Variants in UPF2 observed in about 807,000 individuals in gnomAD.
UPF2 encodes the protein regulator of nonsense transcripts 2.
A neutral mutation model predicts 141.4 loss-of-function variants in UPF2; 17 were observed. The ratio of observed to expected loss-of-function variants is 0.12; its 90% CI spans 0.08 to 0.18. The LOEUF is 0.18. Among genes scored for constraint, UPF2 ranks in the 10% least tolerant of loss-of-function variants. The pLI is 1.00. For synonymous variants in UPF2, 540 were observed against 498.0 expected (o/e 1.08, Z -1.12); for missense variants, 1,152 against 1,515.9 (o/e 0.76, Z 3.99).
intron 11 of UPF2, among the ~76,000 whole-genome samples, chr10:11,963,283 A>G (rs922301656): frequency 6.6e-6 from 1 of 152,228 alleles, no homozygotes; most frequent in African/African-American, 2.4e-5. Flanking sequence ...GATGGTAATT[A>G]TATTTCATTT....
At chr10:11,962,664 G>C (rs1028384439) in intron 11 of UPF2, among the ~76,000 whole-genome samples, 2 of 152,100 alleles carry the variant, frequency 1.3e-5, no homozygotes, top group African/African-American at 4.8e-5. Flanking sequence ...ACGTGAATCT[G>C]ATCATATCCA....
chr10:12,013,541 A>G lies in UPF2; in HGVS notation c.1306+483T>C, dbSNP rs113900549. On this transcript the variant is annotated intron_variant, in intron 4 of 21. Coordinates refer to ENST00000357604, the MANE Select transcript of UPF2 (RefSeq NM_015542.4). Reference sequence around the variant, plus strand: ...TCCCGCCTCGGCCTCCCAAAGTGCTAGGATTACAGGCATGAGCCACTGCGC... The same window carrying G: ...TCCCGCCTCGGCCTCCCAAAGTGCTGGGATTACAGGCATGAGCCACTGCGC... 1.7e-3 allele frequency among the ~76,000 whole-genome samples: 254 copies of G among 152,122 alleles called. 1 individual carries two copies. Among genetic ancestry groups the G allele is most frequent in the African/African-American group, 5.7e-3 (235 of 41,530 alleles).
intron 9 of UPF2, among the ~76,000 whole-genome samples, chr10:11,974,588 G>A (rs1320741500): frequency 6.6e-6 from 1 of 152,152 alleles, no homozygotes; most frequent in Non-Finnish European, 1.5e-5. Context: ...TGAGCATGAA[G>A]GGCTGTTGAA....
In UPF2 at chr10:11,939,150, A is replaced by G. The variant is rs113867206; in HGVS notation, c.3379-2438T>C. Among the ~76,000 whole-genome samples, 9,688 of 151,974 alleles carry G rather than the reference A, an allele frequency of 0.064. 387 individuals carry two copies. Among genetic ancestry groups the G allele is most frequent in the Non-Finnish European group, 0.092 (6,234 of 67,944 alleles). On this transcript the variant is annotated intron_variant, in intron 18 of 21. Transcript: ENST00000357604. The surrounding 1 kb of genome is among the most constrained non-coding windows in gnomAD (Gnocchi z 4.8). ...CTCCCAAAGTGATGGGATTACAGGC[A>G]TTGAGCCACTGTGCCTGGCCAGCAA...
intron 15 of UPF2, among the ~76,000 whole-genome samples, chr10:11,951,812 T>G (rs555568316): frequency 6.9e-4 from 104 of 151,166 alleles, no homozygotes; most frequent in South Asian, 2.3e-3. Flanking sequence ...GGATTGTGGG[T>G]TTTTTTTCCC....
chr10:11,957,280 T>C (rs1235775647), intron 12 of UPF2, among the ~76,000 whole-genome samples: 1 of 151,616 alleles, frequency 6.6e-6, no homozygotes, highest in Non-Finnish European at 1.5e-5. Flanking sequence ...AATACAAAAA[T>C]TAGCCAAGCA....
intron 15 of UPF2, among the ~76,000 whole-genome samples, chr10:11,950,749 G>A (rs1222744817): frequency 6.6e-6 from 1 of 152,212 alleles, no homozygotes; most frequent in Non-Finnish European, 1.5e-5. Flanking sequence ...CTCAATATGA[G>A]ATCATGTATT....
intron 8 of UPF2, among the ~76,000 whole-genome samples, chr10:11,984,745 C>T (rs1833658855): frequency 6.6e-6 from 1 of 151,052 alleles, no homozygotes; most frequent in African/African-American, 2.4e-5. Flanking sequence ...AAGAGTCTCA[C>T]TCTGTTGCCC....
intron 8 of UPF2, among the ~76,000 whole-genome samples, chr10:11,985,731 G>A (rs1160301644): frequency 6.6e-6 from 1 of 151,758 alleles, no homozygotes; most frequent in African/African-American, 2.4e-5. Flanking sequence ...TGTCACATCA[G>A]TCACATTAAA....
At chr10:12,004,402 T>A in intron 5 of UPF2, 128 bp downstream of exon 5, 1 of 683,104 alleles carries the variant, frequency 1.5e-6, no homozygotes, top group Non-Finnish European at 2.4e-6. Flanking sequence ...GTCACTCATT[T>A]ACTCTAATGA....
Position 12,019,609 on chromosome 10 carries a change from C to T in UPF2, c.1146-5425G>A, listed in dbSNP as rs948514916. Among the ~76,000 whole-genome samples the T allele has an allele frequency of 6.6e-6, 1 of 152,158 alleles. No homozygotes were observed. The highest frequency in any genetic ancestry group is 2.4e-5 in the African/African-American group (1 of 41,422). ...AATGAGAACAAAATCTATGCCAACT[C>T]TTATGCTTTGTTATAAAAATAAAAA... is the stretch of plus-strand genomic sequence containing the variant. On this transcript the variant is annotated intron_variant, in intron 3 of 21. Transcript: ENST00000357604. This position sits in a 1 kb window ranked among gnomAD's most constrained non-coding sequence, Gnocchi z 4.5.
chr10:12,033,829 G>A (rs192098225), intron 2 of UPF2, among the ~76,000 whole-genome samples: 5 of 152,208 alleles, frequency 3.3e-5, no homozygotes, highest in Admixed American at 6.5e-5. Flanking sequence ...GTTTACAGGC[G>A]TGAACCACCA....
chr10:12,027,972 C>G (rs1834449914), intron 3 of UPF2, among the ~76,000 whole-genome samples: 1 of 152,178 alleles, frequency 6.6e-6, no homozygotes, highest in Admixed American at 6.5e-5. Context: ...GCTATTACCT[C>G]TTTGCTACAC....
chr10:11,932,166 GTAGA>G (rs890426325), intron 19 of UPF2, among the ~76,000 whole-genome samples: 5 of 151,638 alleles, frequency 3.3e-5, no homozygotes, highest in African/African-American at 9.7e-5. Context: ...AAAAAAAAAG[GTAGA>G]TAGATAATTT....
rs995634530 is a variant in UPF2 at position 12,019,329 on chromosome 10, T to C, written c.1146-5145A>G. ...AAATGTTATTTATGAACACTGAAAT[T>C]TGAACTTCAAATCATTTTCATGCTT... On this transcript the variant is annotated intron_variant, in intron 3 of 21. Coordinates refer to ENST00000357604, the MANE Select transcript of UPF2 (RefSeq NM_015542.4). The surrounding 1 kb of genome is among the most constrained non-coding windows in gnomAD (Gnocchi z 4.5). Among the ~76,000 whole-genome samples the C allele has an allele frequency of 6.6e-6, 1 of 152,214 alleles. No individual in the cohort carries two copies. The highest frequency in any genetic ancestry group is 1.5e-5 in the Non-Finnish European group (1 of 68,048).
Position 12,021,974 on chromosome 10 carries a change from T to C in UPF2, c.1145+6771A>G, listed in dbSNP as rs181081479. On this transcript the variant is annotated intron_variant, in intron 3 of 21. Coordinates refer to ENST00000357604, the MANE Select transcript of UPF2 (RefSeq NM_015542.4). Reference sequence around the variant, plus strand: ...GGCCAACATGGTGAAACCCTGTCTCTGCTAAAAATACAAAAATTAGTCGAG... The same window carrying C: ...GGCCAACATGGTGAAACCCTGTCTCCGCTAAAAATACAAAAATTAGTCGAG... Among the ~76,000 whole-genome samples the C allele has an allele frequency of 7.9e-5, 12 of 152,278 alleles. No homozygotes were observed. The East Asian group carries it at 1.2e-3, about 15-fold the overall frequency.
At chr10:11,969,315 G>T (rs918685843) in intron 9 of UPF2, among the ~76,000 whole-genome samples, 1 of 151,580 alleles carries the variant, frequency 6.6e-6, no homozygotes, top group Admixed American at 6.6e-5. Context: ...GATTACAGGC[G>T]CCCGCCACCA....
At chr10:11,982,614 A>G (rs1168739338) in intron 8 of UPF2, among the ~76,000 whole-genome samples, 1 of 151,958 alleles carries the variant, frequency 6.6e-6, no homozygotes, top group Non-Finnish European at 1.5e-5. Flanking sequence ...ATCCCTCCCA[A>G]TCCCCTTACA....
chr10:11,923,876 A>C (rs937294640), intron 21 of UPF2, among the ~76,000 whole-genome samples: 3 of 152,148 alleles, frequency 2.0e-5, no homozygotes, highest in African/African-American at 7.2e-5. Context: ...AAATTCGTGA[A>C]GCTTTCCACA....
Sources: gnomAD v4.1 joint callset for allele counts (sites outside exome capture counted in the v4.1 genomes callset) on GRCh38, gnomAD v4.1.1 for gene constraint, Gnocchi (gnomAD v3.1) non-coding constraint, MANE v1.5 for transcripts, NCBI Gene and HGNC (gene_info 2026-07-23, HGNC 2026-07-21) for gene names.